Variants in PSG4 observed in about 807,000 individuals in gnomAD.
PSG4 encodes pregnancy-specific beta-1-glycoprotein 4.
PSG4 carries 61 observed loss-of-function variants against 44.3 expected under a neutral mutation model. The ratio of observed to expected loss-of-function variants is 1.38; its 90% CI spans 1.12 to 1.70. The LOEUF is 1.70. PSG4 is among the 40% of genes most tolerant of loss of function. The probability of loss-of-function intolerance (pLI) is 0.00; values close to 1 mark genes in which losing one functional copy is unlikely to be tolerated. For missense variants in PSG4, 677 were observed against 511.7 expected, an observed-to-expected ratio of 1.32 and a Z score of -3.12; for synonymous variants, 248 against 191.3, an observed-to-expected ratio of 1.30 and a Z score of -2.45.
rs571814940 is a variant in PSG4, at chr19:43,203,493, G to A, written c.430+393C>T. The A allele has an allele frequency of 6.3e-4, 123 of 196,346 alleles. 5 individuals are homozygous for A. The highest frequency in any genetic ancestry group is 1.1e-3 in the Non-Finnish European group (108 of 100,764). 12.2% of individuals were successfully genotyped at this position (196,346 alleles called of 1,614,324 possible). On this transcript the variant is annotated intron_variant, in intron 2 of 5. Coordinates refer to ENST00000405312, the MANE Select transcript of PSG4 (RefSeq NM_002780.5). ...CTGGAGCAAGGATTTAGGGACAGAGGTCTGGGGTTGAGGCTTCTAGGGCTG... is the reference window on the plus strand; with the variant it reads ...CTGGAGCAAGGATTTAGGGACAGAGATCTGGGGTTGAGGCTTCTAGGGCTG...
chr19:43,205,318 A>G (rs1220706119), intron 1 of PSG4, among the ~76,000 whole-genome samples, 155 bp downstream of exon 1: 1 of 142,782 alleles, frequency 7.0e-6, no homozygotes, highest in Non-Finnish European at 1.5e-5. Flanking sequence ...AGTGTTGGCC[A>G]GACTGATCTT....
At position 43,193,000 on chromosome 19, in the gene PSG4, C is replaced by A. The variant is rs1300641574; in HGVS notation, c.*372G>T. ...GACATATCTGACACTCTGTTGTTACCCTCAGAAGCTACTACATGTGAAATT... is the reference window on the plus strand; with the variant it reads ...GACATATCTGACACTCTGTTGTTACACTCAGAAGCTACTACATGTGAAATT... On this transcript the variant is annotated 3_prime_UTR_variant, in exon 6 of 6. Transcript: ENST00000405312. 6 of 538,332 alleles carry A rather than the reference C, an allele frequency of 1.1e-5. No homozygotes were observed. The highest frequency in any genetic ancestry group is 3.2e-5 in the Admixed American group (1 of 30,914). 33.3% of individuals were successfully genotyped at this position (538,332 alleles called of 1,614,324 possible). A position where few individuals can be genotyped will look rare whatever the true frequency, so the allele number is the denominator to read the frequency against.
At chr19:43,205,235 G>C (rs534572240) in intron 1 of PSG4, among the ~76,000 whole-genome samples, 1 of 140,468 alleles carries the variant, frequency 7.1e-6, no homozygotes, top group African/African-American at 2.8e-5. Context: ...AGCCTCCTGA[G>C]TAGCTATGAT....
rs1967660345 is a variant in PSG4 at position 43,204,312 on chromosome 19, G to A, written c.65-61C>T. ...CCTATGTATTGGGGTGAAAAGATGG[G>A]TCCTGAGAAGGTCTCTTCAATCCTC... On this transcript the variant is annotated intron_variant, in intron 1 of 5. Transcript: ENST00000405312. 5.4e-6 allele frequency: 8 copies of A among 1,470,208 alleles called. 2 individuals carry two copies. In the East Asian group the frequency reaches 2.2e-4, roughly 40 times the overall value. 91.1% of individuals were successfully genotyped at this position (1,470,208 alleles called of 1,614,324 possible). A position where few individuals can be genotyped will look rare whatever the true frequency, so the allele number is the denominator to read the frequency against.
chr19:43,205,111 C>CTTTTTTTTTTTTTTTTTTTTTTTTTT (rs59165427), intron 1 of PSG4, among the ~76,000 whole-genome samples: 10 of 90,838 alleles, frequency 1.1e-4, no homozygotes, highest in African/African-American at 3.6e-4. Flanking sequence ...TTCCTTTTTT[C>CTTTTTTTTTTTTTTTTTTTTTTTTTT]TTTTTTTTTT....
intron 2 of PSG4, among the ~76,000 whole-genome samples, chr19:43,199,703 G>T (rs1451894334): frequency 1.4e-5 from 2 of 144,954 alleles, no homozygotes; most frequent in African/African-American, 2.7e-5. Flanking sequence ...CTCATGTTGT[G>T]TTCTGACTCT....
intron 2 of PSG4, 173 bp from the exon 3 acceptor site, chr19:43,198,448 G>A (rs1967356437): frequency 1.7e-6 from 2 of 1,181,856 alleles, no homozygotes; most frequent in Admixed American, 2.9e-5. Flanking sequence ...CTCAGAGATT[G>A]TGAGGCTGCC....
chr19:43,205,111 C>CTTTTTCTTTTTTTTT (rs1967717327), intron 1 of PSG4, among the ~76,000 whole-genome samples: 1 of 90,852 alleles, frequency 1.1e-5, no homozygotes, highest in Non-Finnish European at 1.9e-5. Flanking sequence ...TTCCTTTTTT[C>CTTTTTCTTTTTTTTT]TTTTTTTTTT....
chr19:43,198,557 C>G (rs949119583), intron 2 of PSG4: 3 of 474,830 alleles, frequency 6.3e-6, no homozygotes, highest in Non-Finnish European at 9.9e-6. Context: ...GACCCGATGC[C>G]TCTCTGAGTT....
chr19:43,194,713 C>T, intron 4 of PSG4, 119 bp from the exon 5 acceptor site: 3 of 1,481,206 alleles, frequency 2.0e-6, no homozygotes, highest in Non-Finnish European at 2.7e-6. Context: ...CCCAGCCAAA[C>T]TCCCTCTATG....
chr19:43,195,137 G>C lies in PSG4; in HGVS notation c.846C>G (p.Val282=), dbSNP rs1967182649. The C allele has an allele frequency of 6.8e-6, 11 of 1,610,568 alleles. No individual in the cohort carries two copies. The highest frequency in any genetic ancestry group is 9.3e-6 in the Non-Finnish European group (11 of 1,179,066). The change falls in exon 4 of 6, where the codon GTC becomes GTG. Residue 282 remains valine (V), a synonymous_variant. Transcript: ENST00000405312. ...CAATGGGTCGCTTTACCCTGGGACT[G>C]ACAGGGAGGCTCTGACCATTTAGCC... ...IWWLNGQSLP[V]SPRVKRPIEN... is the part of the protein sequence containing the mutation.
chr19:43,204,275 T>G (rs1967658083), intron 1 of PSG4, 24 bp from the exon 2 acceptor site: 3 of 1,546,798 alleles, frequency 1.9e-6, no homozygotes, highest in Non-Finnish European at 1.7e-6. Context: ...AGAGCATCAG[T>G]TAATATTGAG....
At position 43,205,428 on chromosome 19, in the gene PSG4, C is replaced by T. The variant is rs370871135; in HGVS notation, c.64+45G>A. ...CTCTCCAGGAGACCCCATCCAGTCA[C>T]TCTGCTTCCTCCTCCTGTCCTCTCC... On this transcript the variant is annotated intron_variant, in intron 1 of 5. Coordinates refer to ENST00000405312, the MANE Select transcript of PSG4 (RefSeq NM_002780.5). 142 of 1,498,540 alleles carry T rather than the reference C, an allele frequency of 9.5e-5. 2 individuals carry two copies. The highest frequency in any genetic ancestry group is 1.2e-4 in the Non-Finnish European group (137 of 1,105,632). 92.8% of individuals were successfully genotyped at this position (1,498,540 alleles called of 1,614,324 possible).
rs190438170 is a variant in PSG4, at chr19:43,199,675, G to C, written c.431-1400C>G. On this transcript the variant is annotated intron_variant, in intron 2 of 5. Transcript: ENST00000405312. The stretch of plus-strand genomic sequence containing the variant: ...TAATACTGTAATTTTCCCGTAAAAA[G>C]TTGTCAGGAATTTAGACCTCATGTT... 4.3e-4 allele frequency among the ~76,000 whole-genome samples: 63 copies of C among 145,034 alleles called. 5 individuals are homozygous for C. Among genetic ancestry groups the C allele is most frequent in the African/African-American group, 1.4e-3 (54 of 37,712 alleles).
At chr19:43,194,722 T>C in intron 4 of PSG4, 128 bp from the exon 5 acceptor site, 1 of 1,471,410 alleles carries the variant, frequency 6.8e-7, no homozygotes, top group Non-Finnish European at 9.1e-7. Flanking sequence ...ACTCCCTCTA[T>C]GTTCACTGAG....
chr19:43,193,919 G>T (rs942112609), intron 5 of PSG4: 24 of 731,054 alleles, frequency 3.3e-5, no homozygotes, highest in Non-Finnish European at 5.4e-5. Context: ...GGGCAGTCAG[G>T]TAGAGAGCAA....
chr19:43,192,823 A>G lies in PSG4; in HGVS notation c.*549T>C, dbSNP rs12426. 0.26 allele frequency: 55,120 copies of G among 214,694 alleles called. 8,466 individuals are homozygous for G. The highest frequency in any genetic ancestry group is 0.55 in the East Asian group (5,567 of 10,096). 13.3% of individuals were successfully genotyped at this position (214,694 alleles called of 1,614,324 possible). ...ATGTGCATTTAAAGGAGACTCTACTATAATTTCAGCTTTCCTACTCTTTAT... is the reference window on the plus strand; with the variant it reads ...ATGTGCATTTAAAGGAGACTCTACTGTAATTTCAGCTTTCCTACTCTTTAT... On this transcript the variant is annotated 3_prime_UTR_variant, in exon 6 of 6. Transcript: ENST00000405312.
At chr19:43,204,694 T>TC (rs1555724298) in intron 1 of PSG4, 1,765 of 151,322 alleles carry the variant, frequency 0.012, 382 homozygotes, top group African/African-American at 0.084. Flanking sequence ...ATGTCTGTCT[T>TC]CCCCCCACGA....
chr19:43,201,413 A>G (rs1304993126), intron 2 of PSG4, among the ~76,000 whole-genome samples: 1 of 145,588 alleles, frequency 6.9e-6, no homozygotes, highest in East Asian at 2.3e-4. Context: ...ATTTGGCAAG[A>G]GTTTACAAAA....
Sources: gnomAD v4.1 joint callset for allele counts (sites outside exome capture counted in the v4.1 genomes callset) on GRCh38, gnomAD v4.1.1 for gene constraint, MANE v1.5 for transcripts, NCBI Gene and HGNC (gene_info 2026-07-23, HGNC 2026-07-21) for gene names.